Variants in AAK1 observed in about 807,000 individuals in gnomAD.
The protein encoded by AAK1 is AP2-associated protein kinase 1.
A neutral mutation model predicts 116.0 loss-of-function variants in AAK1; 37 were observed. The observed-to-expected ratio is 0.32, with a 90% confidence interval of 0.25 to 0.42. The LOEUF is 0.42. Ranked by LOEUF, AAK1 falls within the 10% of genes least tolerant of loss-of-function variation. The pLI, the probability that AAK1 is intolerant of heterozygous loss-of-function variation, is 1.00. For synonymous variants in AAK1, 458 were observed against 439.9 expected (o/e 1.04, Z -0.51); for missense variants, 919 against 1,170.6 (o/e 0.79, Z 3.14).
chr2:69,544,164 G>C (rs1670833416), intron 4 of AAK1: 1 of 353,442 alleles, frequency 2.8e-6, no homozygotes, highest in South Asian at 5.5e-5. Flanking sequence ...GCATCACAAA[G>C]AACATATTCA....
At chr2:69,600,372 GAGA>G (rs1347358151) in intron 2 of AAK1, among the ~76,000 whole-genome samples, 38 of 151,178 alleles carry the variant, frequency 2.5e-4, no homozygotes, top group Non-Finnish European at 5.9e-5. Flanking sequence ...CGTGATTCAT[GAGA>G]AGAAGTCAAA....
chr2:69,599,369 T>C (rs935213314), intron 2 of AAK1, among the ~76,000 whole-genome samples: 7 of 136,890 alleles, frequency 5.1e-5, no homozygotes, highest in Non-Finnish European at 9.2e-5. Flanking sequence ...AAAATATATA[T>C]AGTTCTGTGT....
At chr2:69,539,823 C>G (rs951188228) in intron 5 of AAK1, among the ~76,000 whole-genome samples, 1 of 152,186 alleles carries the variant, frequency 6.6e-6, no homozygotes, top group Non-Finnish European at 1.5e-5. Flanking sequence ...TCCTATCAGG[C>G]CTTCAAAATC....
intron 3 of AAK1, among the ~76,000 whole-genome samples, chr2:69,547,804 A>G (rs1670992189): frequency 6.6e-6 from 1 of 152,238 alleles, no homozygotes; most frequent in South Asian, 2.1e-4. Context: ...TAGCAACATT[A>G]TTCACAATAG....
intron 2 of AAK1, among the ~76,000 whole-genome samples, chr2:69,635,484 G>C (rs1265155560): frequency 6.6e-6 from 1 of 152,204 alleles, no homozygotes; most frequent in African/African-American, 2.4e-5. Context: ...AGAGATATTT[G>C]TACATCCATG....
In AAK1 at chr2:69,636,928, G is replaced by T. The variant is rs570387961; in HGVS notation, c.163+5950C>A. Among the ~76,000 whole-genome samples, 6 of 152,232 alleles carry T rather than the reference G, an allele frequency of 3.9e-5. No individual in the cohort carries two copies. The South Asian group carries it at 1.2e-3, about 32-fold the overall frequency. On this transcript the variant is annotated intron_variant, in intron 2 of 21. Coordinates refer to ENST00000409085, the MANE Select transcript of AAK1 (RefSeq NM_014911.5). Reference sequence around the variant, plus strand: ...TTGGCCAGGCTGGTCTCAAACTCCTGACCTCAGGTGATCCATCTGCCTCAG... The same window carrying T: ...TTGGCCAGGCTGGTCTCAAACTCCTTACCTCAGGTGATCCATCTGCCTCAG...
chr2:69,466,840 G>T lies in AAK1; in HGVS notation c.*9029C>A. On this transcript the variant is annotated 3_prime_UTR_variant, in exon 22 of 22. Transcript: ENST00000409085. ...AACTATGCAATGCTCCTACACACAGGGCCAGGCACGGACACCTGCTCTACC... is the reference window on the plus strand; with the variant it reads ...AACTATGCAATGCTCCTACACACAGTGCCAGGCACGGACACCTGCTCTACC... 1 of 985,302 alleles carries T rather than the reference G, an allele frequency of 1.0e-6. No individual in the cohort carries two copies. The highest frequency in any genetic ancestry group is 4.7e-5 in the South Asian group (1 of 21,284). The allele number at this position is 985,302 out of a possible 1,614,324, so 61.0% of individuals were successfully genotyped here.
chr2:69,523,607 C>G (rs532452350), intron 10 of AAK1, among the ~76,000 whole-genome samples: 1 of 152,360 alleles, frequency 6.6e-6, no homozygotes, highest in East Asian at 1.9e-4. Flanking sequence ...TGCGCTACCT[C>G]TAGAATCTGC....
rs1674837974 is a variant in AAK1, at chr2:69,475,896, C to T, written c.2859G>A (p.Leu953=). The T allele has an allele frequency of 1.9e-6, 3 of 1,612,210 alleles. No homozygotes were observed. The highest frequency in any genetic ancestry group is 1.7e-6 in the Non-Finnish European group (2 of 1,179,284). ...SSLPNLARSL[L]LVDQLIDL ...ACAGGTCTATGAGCTGATCCACCAG[C>T]AGTAAAGACCTGGCTAGGTTGGGAA... Residue 953 remains leucine (L), a synonymous_variant, in exon 22 of 22, where the codon CTG becomes CTA. Coordinates refer to ENST00000409085, the MANE Select transcript of AAK1 (RefSeq NM_014911.5).
At chr2:69,563,013 A>G (rs539773285) in intron 2 of AAK1, among the ~76,000 whole-genome samples, 1 of 152,034 alleles carries the variant, frequency 6.6e-6, no homozygotes, top group South Asian at 2.1e-4. Context: ...ACAGTGAACT[A>G]TGATGGCACC....
chr2:69,532,409 T>C (rs1449161866), intron 5 of AAK1, among the ~76,000 whole-genome samples: 1 of 151,748 alleles, frequency 6.6e-6, no homozygotes, highest in Non-Finnish European at 1.5e-5. Context: ...GATGCAAGAG[T>C]GCCATTTTTG....
At chr2:69,513,417 T>C (rs984869223) in intron 13 of AAK1, among the ~76,000 whole-genome samples, 1 of 152,136 alleles carries the variant, frequency 6.6e-6, no homozygotes, top group African/African-American at 2.4e-5. Context: ...CCTCCCGGGT[T>C]CACGCCATTC....
Position 69,468,400 on chromosome 2 carries a change from C to T in AAK1, c.*7469G>A, listed in dbSNP as rs1436887177. Reference sequence around the variant, plus strand: ...AAAGAAGGACAAGAGGGCCCTAAAACTCCTTGAACCACCTTCCTCACATAG... The same window carrying T: ...AAAGAAGGACAAGAGGGCCCTAAAATTCCTTGAACCACCTTCCTCACATAG... On this transcript the variant is annotated 3_prime_UTR_variant, in exon 22 of 22. Transcript: ENST00000409085. 4.1e-6 allele frequency: 4 copies of T among 985,284 alleles called. No individual in the cohort carries two copies. In the Admixed American group the frequency reaches 1.8e-4, roughly 45 times the overall value. The allele number at this position is 985,284 out of a possible 1,614,324, so 61.0% of individuals were successfully genotyped here.
chr2:69,516,063 A>G (rs553342872), intron 12 of AAK1, among the ~76,000 whole-genome samples: 1 of 152,364 alleles, frequency 6.6e-6, no homozygotes, highest in South Asian at 2.1e-4. Flanking sequence ...TAAATGTTTC[A>G]CATATCCACA....
chr2:69,482,841 G>T, intron 17 of AAK1, 29 bp from the exon 18 acceptor site: 1 of 1,435,298 alleles, frequency 7.0e-7, no homozygotes, highest in South Asian at 1.2e-5. Context: ...CAAAAAGAAA[G>T]CAAAAATGTA....
intron 3 of AAK1, 124 bp downstream of exon 3, chr2:69,556,736 C>T: frequency 1.5e-6 from 1 of 686,896 alleles, no homozygotes; most frequent in Non-Finnish European, 2.5e-6. Context: ...CTGTTGAGTC[C>T]CATTTTGTAC....
intron 2 of AAK1, among the ~76,000 whole-genome samples, chr2:69,564,146 C>T (rs975635815): frequency 6.6e-6 from 1 of 151,418 alleles, no homozygotes; most frequent in Non-Finnish European, 1.5e-5. Context: ...GAGCCGAGAT[C>T]ACGCCACTGC....
chr2:69,563,153 A>C (rs373194682), intron 2 of AAK1, among the ~76,000 whole-genome samples: 1 of 152,228 alleles, frequency 6.6e-6, no homozygotes, highest in African/African-American at 2.4e-5. Flanking sequence ...GCTTTGGAAG[A>C]AGAAGCAAGT....
At chr2:69,592,707 T>C (rs1272391921) in intron 2 of AAK1, among the ~76,000 whole-genome samples, 1 of 152,186 alleles carries the variant, frequency 6.6e-6, no homozygotes, top group Non-Finnish European at 1.5e-5. Flanking sequence ...CAAAATTCAA[T>C]AAAGTTCTAC....
Sources: allele counts gnomAD v4.1 joint callset (sites outside exome capture counted in the v4.1 genomes callset), GRCh38; gene constraint gnomAD v4.1.1; transcripts MANE v1.5; gene names NCBI Gene and HGNC (gene_info 2026-07-23, HGNC 2026-07-21).